The following L3MBTL1 variants were observed in gnomAD, a reference collection of about 807,000 sequenced individuals.
L3MBTL1 encodes L3MBTL histone methyl-lysine binding protein 1.
L3MBTL1 carries 75 observed loss-of-function variants against 105.3 expected under a neutral mutation model. The observed-to-expected ratio is 0.71, with a 90% CI of 0.59 to 0.86. L3MBTL1 has a LOEUF of 0.86. Ranked by LOEUF, L3MBTL1 falls within the 40% of genes least tolerant of loss-of-function variation. The pLI is 0.00. For synonymous variants in L3MBTL1, 452 were observed against 436.2 expected (o/e 1.04, Z -0.45); for missense variants, 1,069 against 1,126.4 (o/e 0.95, Z 0.73).
rs117829136 is a variant in L3MBTL1 at position 43,541,379 on chromosome 20, G to A, written c.*251G>A. 3.9e-3 allele frequency: 2,142 copies of A among 550,024 alleles called. 44 individuals are homozygous for A. Among genetic ancestry groups the A allele is most frequent in the East Asian group, 0.034 (873 of 25,636 alleles). The allele number at this position is 550,024 out of a possible 1,614,324, so 34.1% of individuals were successfully genotyped here. On this transcript the variant is annotated 3_prime_UTR_variant, in exon 22 of 22. Transcript: ENST00000418998. ...TTGTCTGTAAAATGGAGATAAAATG[G>A]GTTTAATGAGGTCTACCTTGCAGAG... is the stretch of plus-strand genomic sequence containing the variant.
chr20:43,527,955 C>T (rs1040021264), intron 7 of L3MBTL1, among the ~76,000 whole-genome samples: 4 of 151,520 alleles, frequency 2.6e-5, no homozygotes, highest in African/African-American at 7.3e-5. Flanking sequence ...TGCAGTGGTG[C>T]GATCTTGGCT....
At chr20:43,514,868 G>C (rs372595611) in intron 4 of L3MBTL1, 92 bp downstream of exon 4, 1 of 1,451,448 alleles carries the variant, frequency 6.9e-7, no homozygotes, top group African/African-American at 1.4e-5. Context: ...GGCCCGGGGT[G>C]GTCCTGGGGT....
At chr20:43,524,931 A>G (rs2018944689) in intron 7 of L3MBTL1, among the ~76,000 whole-genome samples, 1 of 152,160 alleles carries the variant, frequency 6.6e-6, no homozygotes, top group African/African-American at 2.4e-5. Context: ...ATGGAACTTA[A>G]AGAAAATAAA....
chr20:43,532,930 AG>A lies in L3MBTL1; in HGVS notation c.1436+8del, dbSNP rs752745419. ...GATGATACTTATGACTACTGGTAGT[AG>A]GAGGGCCCAGACTTGGCCTCAGGGG... On this transcript the variant is annotated splice_region_variant and intron_variant, in intron 12 of 21. Coordinates refer to ENST00000418998, the MANE Select transcript of L3MBTL1 (RefSeq NM_001377303.1). 1.5e-5 allele frequency: 24 copies of A among 1,614,016 alleles called. 1 individual carries two copies. The South Asian group carries it at 2.5e-4, about 17-fold the overall frequency.
Position 43,547,898 on chromosome 20 carries a change from C to T in L3MBTL1, c.2125-213C>T, listed in dbSNP as rs201486817. Among the ~76,000 whole-genome samples, 524 of 152,284 alleles carry T rather than the reference C, an allele frequency of 3.4e-3. 1 individual carries two copies. Among genetic ancestry groups the T allele is most frequent in the Non-Finnish European group, 5.8e-3 (395 of 68,028 alleles). ...TGGCTGTCTTTCTTTCCTTCTCCGT[C>T]CCCATTGCTGTCTTCCTTTTTTCCT... On this transcript the variant is annotated intron_variant, in intron 18 of 18. Coordinates refer to the L3MBTL1 transcript ENST00000422861.
At chr20:43,510,696 C>T (rs1428732587) in intron 1 of L3MBTL1, among the ~76,000 whole-genome samples, 3 of 151,848 alleles carry the variant, frequency 2.0e-5, no homozygotes, top group Admixed American at 6.6e-5. Flanking sequence ...GGATTAGAGG[C>T]GTGAGCCACT....
intron 1 of L3MBTL1, among the ~76,000 whole-genome samples, chr20:43,512,870 C>T (rs2018173402): frequency 6.6e-6 from 1 of 152,222 alleles, no homozygotes; most frequent in Non-Finnish European, 1.5e-5. Context: ...TCTTCGTACA[C>T]TATGTCTCTG....
chr20:43,544,880 C>A (rs1978486496), downstream of L3MBTL1, among the ~76,000 whole-genome samples: 1 of 152,084 alleles, frequency 6.6e-6, no homozygotes, highest in Non-Finnish European at 1.5e-5. Flanking sequence ...GCATGAGAAT[C>A]GCTTGAACCT....
intron 1 of L3MBTL1, among the ~76,000 whole-genome samples, chr20:43,509,691 C>T (rs2018081338): frequency 6.6e-6 from 1 of 152,208 alleles, no homozygotes; most frequent in Non-Finnish European, 1.5e-5. Flanking sequence ...CCTACTTGGT[C>T]CTCCCATGCT....
At chr20:43,537,342 T>G (rs1600956096) in intron 19 of L3MBTL1, among the ~76,000 whole-genome samples, 1 of 152,226 alleles carries the variant, frequency 6.6e-6, no homozygotes, top group East Asian at 1.9e-4. Flanking sequence ...CTTCCCTCCT[T>G]GGCTTGCAGA....
At position 43,534,291 on chromosome 20, in the gene L3MBTL1, C is replaced by T; in HGVS notation, c.1607C>T (p.Pro536Leu). ...CAGCTGTCCCCTCTGCAGCGACCCCCTCACAGCTTCCTGGTCAATATGAAG... is the reference window on the plus strand; with the variant it reads ...CAGCTGTCCCCTCTGCAGCGACCCCTTCACAGCTTCCTGGTCAATATGAAG... Reference protein sequence around the residue: ...VPTWAFKVRPPHSFLVNMKLE... With the variant: ...VPTWAFKVRPLHSFLVNMKLE... The change falls in exon 15 of 22, where the codon CCT becomes CTT. Residue 536 changes from proline (P) to leucine (L), a missense_variant. Pro to Leu is a moderately conservative substitution (Grantham distance 98). Transcript: ENST00000418998. The T allele has an allele frequency of 6.2e-7, 1 of 1,613,890 alleles. No individual in the cohort carries two copies. The highest frequency in any genetic ancestry group is 1.1e-5 in the South Asian group (1 of 91,044).
chr20:43,510,147 G>A (rs879688794), intron 1 of L3MBTL1, among the ~76,000 whole-genome samples: 18 of 152,096 alleles, frequency 1.2e-4, no homozygotes, highest in Admixed American at 1.1e-3. Context: ...GAGCCACCAC[G>A]CATGGCCTGC....
At chr20:43,521,968 G>C (rs1407903091) in intron 7 of L3MBTL1, among the ~76,000 whole-genome samples, 1 of 152,194 alleles carries the variant, frequency 6.6e-6, no homozygotes, top group African/African-American at 2.4e-5. Flanking sequence ...TATCATAAGA[G>C]ATTTTCTTCA....
downstream of L3MBTL1, among the ~76,000 whole-genome samples, chr20:43,543,799 G>A (rs913084375): frequency 2.6e-5 from 4 of 152,184 alleles, no homozygotes; most frequent in African/African-American, 7.2e-5. Flanking sequence ...ATGGTCTTAT[G>A]GTTGTTCTGT....
chr20:43,513,625 C>T lies in L3MBTL1; in HGVS notation c.122C>T (p.Ala41Val), dbSNP rs2145371294. ...PGSGPHLPATAFIIPASSATL... is the reference protein window; with the variant it reads ...PGSGPHLPATVFIIPASSATL... ...TCTGGTCCTCACCTGCCCGCAACTG[C>T]CTTCATCATTCCAGGTGAGTCAAGC... The change falls in exon 2 of 22, where the codon GCC becomes GTC. Residue 41 changes from alanine (A) to valine (V), a missense_variant. Physicochemically the swap from Ala to Val is moderately conservative, Grantham distance 64 (BLOSUM62 0). Transcript: ENST00000418998. The T allele has an allele frequency of 6.4e-7, 1 of 1,550,576 alleles. No individual in the cohort carries two copies. The highest frequency in any genetic ancestry group is 8.7e-7 in the Non-Finnish European group (1 of 1,146,990).
downstream of L3MBTL1, chr20:43,541,922 CT>C (rs1377352908): frequency 2.3e-5 from 23 of 985,286 alleles, 2 homozygotes; most frequent in East Asian, 5.7e-4. Flanking sequence ...AAGTAAAGAA[CT>C]TTGTCGGCCG....
chr20:43,525,883 T>C (rs2019007379), intron 7 of L3MBTL1, among the ~76,000 whole-genome samples: 2 of 152,222 alleles, frequency 1.3e-5, no homozygotes, highest in African/African-American at 4.8e-5. Context: ...CACACAGGTT[T>C]AACCATTAAA....
chr20:43,514,586 T>A (rs2018262601), intron 3 of L3MBTL1, 49 bp from the exon 4 acceptor site: 2 of 1,598,470 alleles, frequency 1.3e-6, no homozygotes, highest in Admixed American at 3.4e-5. Context: ...CCGAGATGGG[T>A]CAAGGACCCG....
In L3MBTL1 at chr20:43,529,407, C is replaced by G. The variant is rs369226848; in HGVS notation, c.1056+39C>G. The stretch of plus-strand genomic sequence containing the variant: ...TGGTACCACCTTTCTGATGATGTCT[C>G]TCAGTGCAGATTGATGGATCTTGCT... On this transcript the variant is annotated intron_variant, in intron 9 of 21. Coordinates refer to ENST00000418998, the MANE Select transcript of L3MBTL1 (RefSeq NM_001377303.1). The G allele has an allele frequency of 6.5e-6, 9 of 1,385,292 alleles. No homozygotes were observed. In the African/African-American group the frequency reaches 1.1e-4, roughly 17 times the overall value. The allele number at this position is 1,385,292 out of a possible 1,614,324, so 85.8% of individuals were successfully genotyped here.
Sources: gnomAD v4.1 joint callset for allele counts (sites outside exome capture counted in the v4.1 genomes callset) on GRCh38, gnomAD v4.1.1 for gene constraint, MANE v1.5 for transcripts, NCBI Gene and HGNC (gene_info 2026-07-23, HGNC 2026-07-21) for gene names.